IL1RAPL2: variants seen among roughly 807,000 people sequenced by gnomAD.
IL1RAPL2 encodes the protein interleukin 1 receptor accessory protein like 2, also known as X-linked interleukin-1 receptor accessory protein-like 2.
A neutral mutation model predicts 44.1 loss-of-function variants in IL1RAPL2; 3 were observed. The observed-to-expected ratio is 0.07, with a 90% CI of 0.03 to 0.18. The LOEUF is 0.18. IL1RAPL2 is among the 10% of genes least tolerant of loss of function. The pLI, the probability that IL1RAPL2 is intolerant of heterozygous loss-of-function variation, is 1.00. For missense variants in IL1RAPL2, 391 were observed against 496.4 expected (o/e 0.79, Z 2.02); for synonymous variants, 181 against 178.8 (o/e 1.01, Z -0.10).
chrX:105,253,973 C>A (rs1209005755), intron 4 of IL1RAPL2, among the ~76,000 whole-genome samples: 1 of 111,672 alleles, frequency 9.0e-6, no homozygotes, highest in East Asian at 2.8e-4. Context: ...AGGTTGATTC[C>A]GTGTCTTTGC....
At chrX:105,372,255 G>A (rs1161889792) in intron 5 of IL1RAPL2, among the ~76,000 whole-genome samples, 4 of 109,776 alleles carry the variant, frequency 3.6e-5, no homozygotes, top group Non-Finnish European at 7.6e-5. Context: ...GGCCAACGTG[G>A]TGAAACCCCA....
At chrX:105,692,598 G>A (rs2031004408) in intron 6 of IL1RAPL2, among the ~76,000 whole-genome samples, 1 of 108,810 alleles carries the variant, frequency 9.2e-6, no homozygotes, top group African/African-American at 3.4e-5. Flanking sequence ...TAATTACAAA[G>A]CAATATTCAA....
chrX:104,717,906 T>C (rs1471238813), intron 2 of IL1RAPL2, among the ~76,000 whole-genome samples: 2 of 110,393 alleles, frequency 1.8e-5, no homozygotes, highest in Non-Finnish European at 3.8e-5. Flanking sequence ...GTTTCCAGCT[T>C]CATCCATGTC....
At position 104,671,163 on chromosome X, in the gene IL1RAPL2, T is replaced by A. The variant is rs763307262; in HGVS notation, c.82+12168T>A. Among the ~76,000 whole-genome samples the A allele has an allele frequency of 2.3e-4, 26 of 110,684 alleles. No homozygotes were observed. The Admixed American group carries it at 2.4e-3, about 10-fold the overall frequency. On this transcript the variant is annotated intron_variant, in intron 2 of 10. Coordinates refer to ENST00000372582, the MANE Select transcript of IL1RAPL2 (RefSeq NM_017416.2). Reference sequence around the variant, plus strand: ...TATTATATATGTATGTATAGGTATATACATATGCATGTGTATACACACACA... The same window carrying A: ...TATTATATATGTATGTATAGGTATAAACATATGCATGTGTATACACACACA...
chrX:104,611,601 G>C (rs1232319716), intron 1 of IL1RAPL2, among the ~76,000 whole-genome samples: 1 of 110,559 alleles, frequency 9.0e-6, no homozygotes, highest in Non-Finnish European at 1.9e-5. Context: ...ACTTTGGGAG[G>C]CTGAGGCGGA....
At chrX:105,052,972 T>TG (rs756406681) in intron 2 of IL1RAPL2, among the ~76,000 whole-genome samples, 1 of 111,027 alleles carries the variant, frequency 9.0e-6, no homozygotes, top group African/African-American at 3.3e-5. Context: ...AAACATCTGC[T>TG]GTTTGGTTTT....
intron 2 of IL1RAPL2, among the ~76,000 whole-genome samples, chrX:105,118,428 G>A (rs748735868): frequency 8.9e-6 from 1 of 112,257 alleles, no homozygotes; most frequent in African/African-American, 3.2e-5. Flanking sequence ...AATGCCAAGT[G>A]AGTTACATAT....
Position 105,748,952 on chromosome X carries a change from C to G in IL1RAPL2, c.1049-8C>G. 1 of 1,205,648 alleles carries G rather than the reference C, an allele frequency of 8.3e-7. No individual in the cohort carries two copies. Among genetic ancestry groups the G allele is most frequent in the Non-Finnish European group, 1.1e-6 (1 of 891,599 alleles). ...ATTACCTTTTCCTGTTTATTCTGTT[C>G]GCTCCAGATTTAATCTATAAAATTG... is the stretch of plus-strand genomic sequence containing the variant. On this transcript the variant is annotated splice_region_variant and splice_polypyrimidine_tract_variant and intron_variant, in intron 8 of 10. Transcript: ENST00000372582.
chrX:105,267,497 A>G lies in IL1RAPL2; in HGVS notation c.653A>G (p.Tyr218Cys). Residue 218 changes from tyrosine (Y) to cysteine (C), a missense_variant, in exon 5 of 11, where the codon TAT becomes TGT. Coordinates refer to ENST00000372582, the MANE Select transcript of IL1RAPL2 (RefSeq NM_017416.2). ...GGAAATTACACATGTGAACTTAAAT[A>G]TGAAGGAAAACTTGTAAGACGAACA... ...DGGNYTCELK[Y>C]EGKLVRRTTE... The G allele has an allele frequency of 8.4e-7, 1 of 1,197,068 alleles. No homozygotes were observed. The highest frequency in any genetic ancestry group is 1.1e-6 in the Non-Finnish European group (1 of 886,683).
chrX:105,043,707 T>A (rs2031795837), intron 2 of IL1RAPL2, among the ~76,000 whole-genome samples: 1 of 111,187 alleles, frequency 9.0e-6, no homozygotes, highest in Non-Finnish European at 1.9e-5. Context: ...CTAGGACACA[T>A]CTAGCTTACC....
chrX:104,807,818 A>G (rs1221924159), intron 2 of IL1RAPL2, among the ~76,000 whole-genome samples: 1 of 111,346 alleles, frequency 9.0e-6, no homozygotes, highest in Non-Finnish European at 1.9e-5. Flanking sequence ...TAAAGCAACT[A>G]TGTAATATAA....
At chrX:105,160,050 G>A (rs781235749) in intron 2 of IL1RAPL2, among the ~76,000 whole-genome samples, 2 of 102,473 alleles carry the variant, frequency 2.0e-5, no homozygotes, top group East Asian at 6.2e-4. Flanking sequence ...TTCACAAAGC[G>A]TAATCTATTG....
intron 5 of IL1RAPL2, among the ~76,000 whole-genome samples, chrX:105,280,905 C>T (rs184178524): frequency 2.1e-3 from 229 of 111,186 alleles, no homozygotes; most frequent in African/African-American, 7.2e-3. Flanking sequence ...TACCATTTGA[C>T]CCAGCCATCC....
chrX:105,372,362 G>A (rs2035348216), intron 5 of IL1RAPL2, among the ~76,000 whole-genome samples: 1 of 108,711 alleles, frequency 9.2e-6, no homozygotes, highest in African/African-American at 3.4e-5. Flanking sequence ...CTTGAACCCA[G>A]GAGGCGGAGG....
intron 6 of IL1RAPL2, among the ~76,000 whole-genome samples, chrX:105,537,457 G>T (rs965250239): frequency 9.0e-6 from 1 of 111,541 alleles, no homozygotes; most frequent in Non-Finnish European, 1.9e-5. Flanking sequence ...TTCCTCTTTA[G>T]GCTCACCTTC....
chrX:105,409,807 T>TGTAG (rs1556311252), intron 5 of IL1RAPL2, among the ~76,000 whole-genome samples: 1 of 89,418 alleles, frequency 1.1e-5, no homozygotes, highest in African/African-American at 4.5e-5. Flanking sequence ...GGCTTTGATT[T>TGTAG]ATAGATAGAT....
intron 1 of IL1RAPL2, among the ~76,000 whole-genome samples, chrX:104,632,146 G>A (rs1209210152): frequency 1.8e-5 from 2 of 111,223 alleles, no homozygotes; most frequent in African/African-American, 3.3e-5. Context: ...AAGATCAGAT[G>A]GTTGTAGATA....
At chrX:105,419,693 C>CT (rs746040636) in intron 5 of IL1RAPL2, among the ~76,000 whole-genome samples, 12 of 112,117 alleles carry the variant, frequency 1.1e-4, no homozygotes. Flanking sequence ...TATATATATT[C>CT]TTTTGCTGAC....
In IL1RAPL2 at chrX:104,895,506, C is replaced by T. The variant is rs187932066; in HGVS notation, c.82+236511C>T. ...ATGGCGGGCGCCACTCTCCCAGCCT[C>T]GCTGCTGCCTTGCAGATCAATCTCA... is the stretch of plus-strand genomic sequence containing the variant. On this transcript the variant is annotated intron_variant, in intron 2 of 10. Coordinates refer to ENST00000372582, the MANE Select transcript of IL1RAPL2 (RefSeq NM_017416.2). 5.9e-3 allele frequency among the ~76,000 whole-genome samples: 660 copies of T among 112,619 alleles called. 3 individuals carry two copies. The highest frequency in any genetic ancestry group is 0.02 in the African/African-American group (624 of 31,068).
Sources: allele counts gnomAD v4.1 joint callset (sites outside exome capture counted in the v4.1 genomes callset), GRCh38; gene constraint gnomAD v4.1.1; transcripts MANE v1.5; gene names NCBI Gene and HGNC (gene_info 2026-07-23, HGNC 2026-07-21).